SCFD1: variants seen among roughly 807,000 people sequenced by gnomAD.
The protein encoded by SCFD1 is sec1 family domain-containing protein 1.
A neutral mutation model predicts 103.2 loss-of-function variants in SCFD1; 37 were observed. That is an observed-to-expected ratio of 0.36 (90% CI 0.28 to 0.47). SCFD1 has a LOEUF of 0.47. SCFD1 is among the 20% of genes least tolerant of loss of function. The pLI, the probability that SCFD1 is intolerant of heterozygous loss-of-function variation, is 1.00. For synonymous variants in SCFD1, 264 were observed against 245.0 expected (o/e 1.08, Z -0.73); for missense variants, 639 against 761.2 (o/e 0.84, Z 1.89).
At chr14:30,705,412 T>C (rs573346423) in intron 17 of SCFD1, among the ~76,000 whole-genome samples, 1 of 152,326 alleles carries the variant, frequency 6.6e-6, no homozygotes, top group East Asian at 1.9e-4. Context: ...GTTCTTTTTA[T>C]TTAAATGATC....
At chr14:30,639,691 C>T (rs990505236) in intron 5 of SCFD1, 86 bp from the exon 6 acceptor site, 2 of 1,317,208 alleles carry the variant, frequency 1.5e-6, no homozygotes, top group Non-Finnish European at 2.0e-6. Flanking sequence ...TTCATTTCTA[C>T]CATTGGTAGG....
At chr14:30,628,315 T>G in intron 2 of SCFD1, 36 bp downstream of exon 2, 1 of 1,411,168 alleles carries the variant, frequency 7.1e-7, no homozygotes, top group South Asian at 1.2e-5. Flanking sequence ...GATTTCTGTT[T>G]TTCTCAGCCC....
intron 23 of SCFD1, among the ~76,000 whole-genome samples, chr14:30,727,968 C>T (rs1893171062): frequency 6.6e-6 from 1 of 152,166 alleles, no homozygotes; most frequent in Admixed American, 6.5e-5. Flanking sequence ...ATTCCTCAGA[C>T]AGTTATATTT....
intron 14 of SCFD1, among the ~76,000 whole-genome samples, chr14:30,682,287 A>G (rs1157795881): frequency 6.6e-6 from 1 of 152,232 alleles, no homozygotes; most frequent in African/African-American, 2.4e-5. Flanking sequence ...TAGAAGTAAA[A>G]TGAATTTTGT....
At chr14:30,693,026 G>T (rs1215290469) in intron 14 of SCFD1, among the ~76,000 whole-genome samples, 1 of 151,960 alleles carries the variant, frequency 6.6e-6, no homozygotes, top group Non-Finnish European at 1.5e-5. Flanking sequence ...TCATTTCTAG[G>T]ACTTTACTGT....
chr14:30,632,281 T>G (rs1309118052), intron 3 of SCFD1, among the ~76,000 whole-genome samples: 4 of 152,128 alleles, frequency 2.6e-5, no homozygotes, highest in African/African-American at 7.2e-5. Context: ...AGAATCTGGT[T>G]TAATCAGCTC....
Position 30,735,808 on chromosome 14 carries a change from T to C in SCFD1, c.*199T>C. Reference sequence around the variant, plus strand: ...ACATTTCAGAAATAAAATTTCAACATTGTTCATTTTCTCTGATAAATCAGA... The same window carrying C: ...ACATTTCAGAAATAAAATTTCAACACTGTTCATTTTCTCTGATAAATCAGA... On this transcript the variant is annotated 3_prime_UTR_variant, in exon 25 of 25. Coordinates refer to ENST00000458591, the MANE Select transcript of SCFD1 (RefSeq NM_016106.4). 2.2e-6 allele frequency: 1 copy of C among 452,470 alleles called. No homozygotes were observed. Among genetic ancestry groups the C allele is most frequent in the South Asian group, 4.9e-5 (1 of 20,576 alleles). The allele number at this position is 452,470 out of a possible 1,614,324, so 28.0% of individuals were successfully genotyped here.
At chr14:30,730,244 A>C (rs1407788608) in intron 23 of SCFD1, among the ~76,000 whole-genome samples, 2 of 152,052 alleles carry the variant, frequency 1.3e-5, no homozygotes, top group African/African-American at 2.4e-5. Flanking sequence ...ACATTTTCTT[A>C]ATCCAGTCTA....
intron 3 of SCFD1, 72 bp from the exon 4 acceptor site, chr14:30,633,875 A>T: frequency 1.3e-6 from 1 of 790,492 alleles, no homozygotes. Flanking sequence ...GAGCTAGTGA[A>T]CTCCCATTTT....
intron 10 of SCFD1, among the ~76,000 whole-genome samples, chr14:30,660,297 G>A (rs1182107560): frequency 6.6e-6 from 1 of 152,080 alleles, no homozygotes; most frequent in Non-Finnish European, 1.5e-5. Flanking sequence ...GATACTTTCT[G>A]TAAACTAATT....
intron 23 of SCFD1, among the ~76,000 whole-genome samples, chr14:30,730,702 G>A (rs1050914638): frequency 6.6e-6 from 1 of 152,096 alleles, no homozygotes; most frequent in Non-Finnish European, 1.5e-5. Flanking sequence ...TTTTGATGGG[G>A]TTGCTTTTTT....
chr14:30,651,183 G>C (rs1479571244), intron 9 of SCFD1, among the ~76,000 whole-genome samples: 1 of 152,014 alleles, frequency 6.6e-6, no homozygotes, highest in East Asian at 1.9e-4. Context: ...ATGGAGTAAA[G>C]AAGTAAAGAA....
At position 30,724,245 on chromosome 14, in the gene SCFD1, G is replaced by GTTTTT. The variant is rs58612669; in HGVS notation, c.1836+1709_1836+1713dup. 3.5e-3 allele frequency among the ~76,000 whole-genome samples: 246 copies of GTTTTT among 69,676 alleles called. 30 individuals carry two copies. Among genetic ancestry groups the GTTTTT allele is most frequent in the African/African-American group, 0.016 (236 of 14,590 alleles). 45.7% of individuals were successfully genotyped at this position (69,676 alleles called of 152,430 possible). On this transcript the variant is annotated intron_variant, in intron 23 of 24. Transcript: ENST00000458591. The stretch of plus-strand genomic sequence containing the variant: ...ATGTCCTTTGCCCACTTTTTTATGG[G>GTTTTT]TTTTTTTTTTTTTTTTTTTTTTTTT...
intron 15 of SCFD1, among the ~76,000 whole-genome samples, chr14:30,699,824 A>G (rs995144153): frequency 1.3e-5 from 2 of 152,120 alleles, no homozygotes; most frequent in Non-Finnish European, 1.5e-5. Context: ...TGTAATTGTT[A>G]CTGGCACCCC....
chr14:30,683,909 G>A (rs1234841892), intron 14 of SCFD1, among the ~76,000 whole-genome samples: 1 of 152,134 alleles, frequency 6.6e-6, no homozygotes, highest in Non-Finnish European at 1.5e-5. Context: ...TGAAGAAGAG[G>A]GAAAGCCAAG....
intron 10 of SCFD1, among the ~76,000 whole-genome samples, chr14:30,662,958 A>T (rs1887584191): frequency 6.6e-6 from 1 of 152,218 alleles, no homozygotes; most frequent in Admixed American, 6.5e-5. Flanking sequence ...AGACTCTATC[A>T]TGTTAAAACT....
intron 14 of SCFD1, chr14:30,676,482 G>A (rs1889044690): frequency 1.3e-5 from 2 of 152,326 alleles, no homozygotes; most frequent in South Asian, 4.1e-4. Context: ...GGCCTACTCT[G>A]GAGTAAGTCT....
At chr14:30,624,706 A>C (rs1240152904) in intron 1 of SCFD1, among the ~76,000 whole-genome samples, 1 of 152,152 alleles carries the variant, frequency 6.6e-6, no homozygotes, top group Non-Finnish European at 1.5e-5. Context: ...TTTGCTCAAA[A>C]TCTTCCAGCA....
intron 21 of SCFD1, among the ~76,000 whole-genome samples, chr14:30,719,963 G>A (rs1345420849): frequency 7.2e-6 from 1 of 138,676 alleles, no homozygotes; most frequent in Non-Finnish European, 1.6e-5. Context: ...ATTGGGGGCA[G>A]GGGGGTGGGG....
Sources: gnomAD v4.1 joint callset for allele counts (sites outside exome capture counted in the v4.1 genomes callset) on GRCh38, gnomAD v4.1.1 for gene constraint, MANE v1.5 for transcripts, NCBI Gene and HGNC (gene_info 2026-07-23, HGNC 2026-07-21) for gene names.